The following MIA2 variants were observed in gnomAD, a reference collection of about 807,000 sequenced individuals.
The protein encoded by MIA2 is MIA SH3 domain ER export factor 2.
In MIA2, 127 loss-of-function variants were observed where a neutral mutation model predicts 167.8. The ratio of observed to expected loss-of-function variants is 0.76; its 90% CI spans 0.66 to 0.88. The LOEUF (loss-of-function observed/expected upper bound fraction) is 0.88, where lower values mean the gene tolerates loss of function less well. MIA2 is among the 40% of genes least tolerant of loss of function. The probability of loss-of-function intolerance (pLI) is 0.00; values close to 1 mark genes in which losing one functional copy is unlikely to be tolerated. For synonymous variants in MIA2, 552 were observed against 541.9 expected (o/e 1.02, Z -0.26); for missense variants, 1,690 against 1,624.7 (o/e 1.04, Z -0.69).
rs2060136779 is a variant in MIA2, at chr14:39,288,448, TATATATA to T, written c.2131-2570_2131-2564del. 7.2e-4 allele frequency among the ~76,000 whole-genome samples: 25 copies of T among 34,718 alleles called. 3 individuals carry two copies. Among genetic ancestry groups the T allele is most frequent in the African/African-American group, 2.4e-3 (14 of 5,802 alleles). The allele number at this position is 34,718 out of a possible 152,430, so 22.8% of individuals were successfully genotyped here. A position where few individuals can be genotyped will look rare whatever the true frequency, so the allele number is the denominator to read the frequency against. On this transcript the variant is annotated intron_variant, in intron 9 of 28. Coordinates refer to ENST00000640607, the MANE Select transcript of MIA2 (RefSeq NM_001329214.4). ...TATATTATACATATATATATATATATATATATATATATATATATATATATATATTTTT... is the reference window on the plus strand; with the variant it reads ...TATATTATACATATATATATATATATTATATATATATATATATATATTTTT...
rs1054440896 is a variant in MIA2 at position 39,263,835 on chromosome 14, T to C, written c.1887+10664T>C. 6.6e-5 allele frequency among the ~76,000 whole-genome samples: 10 copies of C among 152,226 alleles called. 1 individual carries two copies. Among genetic ancestry groups the C allele is most frequent in the Middle Eastern group, 6.8e-3 (2 of 294 alleles). On this transcript the variant is annotated intron_variant, in intron 6 of 28. Coordinates refer to ENST00000640607, the MANE Select transcript of MIA2 (RefSeq NM_001329214.4). ...TTTTAGTAGAGACGGGGTTTCACCA[T>C]GTTGGCCAGGCTGGTCTCGAACTCC...
intron 23 of MIA2, chr14:39,386,459 T>C: frequency 1.9e-6 from 3 of 1,539,704 alleles, no homozygotes; most frequent in Admixed American, 1.7e-5. Context: ...ACATCTCTGA[T>C]TGGCCCAGTC....
In MIA2 at chr14:39,350,117, G is replaced by A. The variant is rs1437990702; in HGVS notation, c.4092G>A (p.Pro1364=). 10 of 1,362,688 alleles carry A rather than the reference G, an allele frequency of 7.3e-6. No individual in the cohort carries two copies. Among genetic ancestry groups the A allele is most frequent in the South Asian group, 1.3e-5 (1 of 74,550 alleles). The allele number at this position is 1,362,688 out of a possible 1,614,324, so 84.4% of individuals were successfully genotyped here. A position where few individuals can be genotyped will look rare whatever the true frequency, so the allele number is the denominator to read the frequency against. The change falls in exon 29 of 29, where the codon CCG becomes CCA. Residue 1364 remains proline, a synonymous_variant. Coordinates refer to ENST00000640607, the MANE Select transcript of MIA2 (RefSeq NM_001329214.4). ...GAACAGTGAGAAATGTCTATCCACC[G>A]AGGGGTTTTCCTCCTTACCTTCCCC... is the stretch of plus-strand genomic sequence containing the variant. ...APFAMRNVYP[P]RGFPPYLPPR...
rs770540495 is a variant in MIA2, at chr14:39,294,918, C to T, written c.2392-7C>T. 18 of 1,592,418 alleles carry T rather than the reference C, an allele frequency of 1.1e-5. No individual in the cohort carries two copies. The highest frequency in any genetic ancestry group is 1.4e-5 in the Non-Finnish European group (16 of 1,164,532). On this transcript the variant is annotated splice_region_variant and splice_polypyrimidine_tract_variant and intron_variant, in intron 12 of 28. Transcript: ENST00000640607. The stretch of plus-strand genomic sequence containing the variant: ...GTTACAAACTTGACATTTTTTGTTT[C>T]ACTTAGGCCAAAATGACCTTCAAGA...
At chr14:39,385,153 CAAT>C (rs1260757597) in intron 23 of MIA2, among the ~76,000 whole-genome samples, 1 of 152,148 alleles carries the variant, frequency 6.6e-6, no homozygotes, top group African/African-American at 2.4e-5. Flanking sequence ...TGGTATACAA[CAAT>C]GTCTGCAGGG....
intron 23 of MIA2, among the ~76,000 whole-genome samples, chr14:39,382,668 G>T (rs2075189978): frequency 6.6e-6 from 1 of 152,300 alleles, no homozygotes; most frequent in South Asian, 2.1e-4. Context: ...ACATAGAGTG[G>T]AGATATTTGA....
At chr14:39,302,392 C>A in intron 15 of MIA2, 143 bp downstream of exon 15, 1 of 934,452 alleles carries the variant, frequency 1.1e-6, no homozygotes. Flanking sequence ...CCTTTCTCAC[C>A]ATCCCTTATA....
intron 24 of MIA2, among the ~76,000 whole-genome samples, chr14:39,326,279 T>C (rs1595652481): frequency 6.6e-6 from 1 of 152,246 alleles, no homozygotes. Flanking sequence ...TTATCTGTTG[T>C]ACATAATGTT....
intron 23 of MIA2, among the ~76,000 whole-genome samples, chr14:39,371,102 G>A (rs760770776): frequency 7.9e-5 from 12 of 151,594 alleles, no homozygotes; most frequent in Non-Finnish European, 1.6e-4. Context: ...TTCACTTTTA[G>A]TGTTTGTAAA....
chr14:39,290,455 G>C (rs749109974), intron 9 of MIA2, among the ~76,000 whole-genome samples: 2 of 151,842 alleles, frequency 1.3e-5, no homozygotes, highest in Admixed American at 6.6e-5. Flanking sequence ...AAATCTTATA[G>C]CATTATATGT....
intron 18 of MIA2, among the ~76,000 whole-genome samples, chr14:39,310,222 A>G (rs191953421): frequency 6.6e-6 from 1 of 152,240 alleles, no homozygotes; most frequent in East Asian, 1.9e-4. Context: ...TTCTTGTTTC[A>G]GCTCTCATTC....
At chr14:39,265,313 C>G in intron 6 of MIA2, 2 of 1,082,210 alleles carry the variant, frequency 1.8e-6, no homozygotes. Context: ...ATATTAGAAT[C>G]TGAAATCTTT....
intron 28 of MIA2, 69 bp downstream of exon 28, chr14:39,349,046 A>G (rs1374899426): frequency 3.9e-6 from 6 of 1,536,506 alleles, no homozygotes; most frequent in South Asian, 3.4e-5. Context: ...TAATTTTACT[A>G]TCTGTTAATG....
At chr14:39,290,926 G>T (rs2060650814) in intron 9 of MIA2, 93 bp from the exon 10 acceptor site, 1 of 1,141,974 alleles carries the variant, frequency 8.8e-7, no homozygotes, top group South Asian at 1.5e-5. Context: ...GTATTATGTG[G>T]AAATGGATTC....
At chr14:39,307,995 T>C (rs545543631) in intron 17 of MIA2, among the ~76,000 whole-genome samples, 1 of 152,150 alleles carries the variant, frequency 6.6e-6, no homozygotes, top group Non-Finnish European at 1.5e-5. Flanking sequence ...AAATTATAAC[T>C]AGATAGGTGG....
chr14:39,240,016 G>A (rs539193001), intron 2 of MIA2, among the ~76,000 whole-genome samples: 1 of 152,330 alleles, frequency 6.6e-6, no homozygotes, highest in African/African-American at 2.4e-5. Context: ...TGAACTGGGT[G>A]AAGAGGATCT....
At chr14:39,285,411 T>A in intron 9 of MIA2, among the ~76,000 whole-genome samples, 1 of 131,034 alleles carries the variant, frequency 7.6e-6, no homozygotes, top group South Asian at 2.5e-4. Flanking sequence ...AAGGGGCGGC[T>A]GGCCGGGCGG....
intron 9 of MIA2, among the ~76,000 whole-genome samples, chr14:39,289,858 GT>G (rs1171632496): frequency 6.6e-6 from 1 of 152,172 alleles, no homozygotes; most frequent in Non-Finnish European, 1.5e-5. Flanking sequence ...GAGAGAATCT[GT>G]GTCTTGTGTC....
intron 23 of MIA2, among the ~76,000 whole-genome samples, chr14:39,362,583 TTAGTC>T (rs1440625243): frequency 6.6e-6 from 1 of 152,156 alleles, no homozygotes; most frequent in Non-Finnish European, 1.5e-5. Flanking sequence ...TTTTTCTTGG[TTAGTC>T]TAGCTAGTAG....
Sources: allele counts gnomAD v4.1 joint callset (sites outside exome capture counted in the v4.1 genomes callset), GRCh38; gene constraint gnomAD v4.1.1; transcripts MANE v1.5; gene names NCBI Gene and HGNC (gene_info 2026-07-23, HGNC 2026-07-21).